ICAM2: variants seen among roughly 807,000 people sequenced by gnomAD.
The protein encoded by ICAM2 is ICAM-2.
Under a neutral mutation model 19.1 loss-of-function variants are expected in ICAM2, and 14 were observed. The ratio of observed to expected loss-of-function variants is 0.73; its 90% CI spans 0.48 to 1.15. The LOEUF (loss-of-function observed/expected upper bound fraction) is 1.15, where lower values mean the gene tolerates loss of function less well. ICAM2 is among the 50% of genes most tolerant of loss of function. The pLI, the probability that ICAM2 is intolerant of heterozygous loss-of-function variation, is 0.00. For missense variants in ICAM2, 311 were observed against 355.4 expected, an observed-to-expected ratio of 0.88 and a Z score of 1.00; for synonymous variants, 153 against 152.7, an observed-to-expected ratio of 1.00 and a Z score of -0.01.
At chr17:64,006,531 C>CTT in intron 2 of ICAM2, 100 bp downstream of exon 2, 1 of 1,010,058 alleles carries the variant, frequency 9.9e-7, no homozygotes, top group South Asian at 1.4e-5. Flanking sequence ...ACCTCAGCAA[C>CTT]TTTTGGGACT....
In ICAM2 at chr17:64,003,048, C is replaced by T. The variant is rs960023094; in HGVS notation, c.650-123G>A. ...CCCCGCCGCCCGCTCATGCATCCAGCAGTCACCCCAGTTGCAGAGATGAGT... is the reference window on the plus strand; with the variant it reads ...CCCCGCCGCCCGCTCATGCATCCAGTAGTCACCCCAGTTGCAGAGATGAGT... On this transcript the variant is annotated intron_variant, in intron 4 of 4. Coordinates refer to ENST00000579788, the MANE Select transcript of ICAM2 (RefSeq NM_001099789.2). 8 of 717,538 alleles carry T rather than the reference C, an allele frequency of 1.1e-5. No individual in the cohort carries two copies. The African/African-American group carries it at 1.2e-4, about 11-fold the overall frequency. The allele number at this position is 717,538 out of a possible 1,614,324, so 44.4% of individuals were successfully genotyped here.
At chr17:64,003,125 G>A (rs750459249) in intron 4 of ICAM2, 200 bp from the exon 5 acceptor site, 21 of 568,678 alleles carry the variant, frequency 3.7e-5, no homozygotes, top group Non-Finnish European at 5.6e-5. Context: ...GTGGCCCAGG[G>A]CTCAGGCTAC....
At chr17:64,014,625 G>GAGAA (rs1257051051) in intron 1 of ICAM2, among the ~76,000 whole-genome samples, 2 of 142,876 alleles carry the variant, frequency 1.4e-5, no homozygotes, top group African/African-American at 2.6e-5. Context: ...GGGAGAGAGA[G>GAGAA]AGAAAGAAAG....
At chr17:64,007,196 C>T (rs1489132569) in intron 1 of ICAM2, among the ~76,000 whole-genome samples, 1 of 152,234 alleles carries the variant, frequency 6.6e-6, no homozygotes, top group Non-Finnish European at 1.5e-5. Flanking sequence ...TTGAGCTTCT[C>T]CTGCTAAATG....
At chr17:64,016,422 C>A (rs962958490) in intron 1 of ICAM2, among the ~76,000 whole-genome samples, 1 of 152,216 alleles carries the variant, frequency 6.6e-6, no homozygotes, top group Non-Finnish European at 1.5e-5. Context: ...CCTCCACCTA[C>A]CCCCAAACTT....
At position 64,005,111 on chromosome 17, in the gene ICAM2, C is replaced by T; in HGVS notation, c.324G>A (p.Val108=). ...KQESMNSNVS[V]YQPPRQVILT... is the part of the protein sequence containing the mutation. ...CCCCGCAGCACAGCCACTCACGGTA[C>T]ACGCTGACGTTGGAATTCATTGACT... The change falls in exon 3 of 5, where the codon GTG becomes GTA. Residue 108 remains valine, a synonymous_variant. Transcript: ENST00000579788. 6.2e-7 allele frequency: 1 copy of T among 1,614,140 alleles called. No homozygotes were observed. Among genetic ancestry groups the T allele is most frequent in the Non-Finnish European group, 8.5e-7 (1 of 1,180,002 alleles).
intron 1 of ICAM2, among the ~76,000 whole-genome samples, chr17:64,016,411 C>A (rs1598027368): frequency 2.0e-5 from 3 of 152,270 alleles, no homozygotes; most frequent in African/African-American, 7.2e-5. Flanking sequence ...CTGCCAGTGC[C>A]CCTCCACCTA....
rs375032305 is a variant in ICAM2, at chr17:64,005,370, G to A, written c.65C>T (p.Ser22Leu). ...GTGTACCTCGAATACCTTCTCATCC[G>A]ATCCTGGAAAACCAGAAACACTGGG... ...ALFTLICCPG[S>L]DEKVFEVHVR... The change falls in exon 3 of 5, where the codon TCG becomes TTG. Residue 22 changes from serine (S) to leucine (L), a missense_variant. Transcript: ENST00000579788. 4.0e-5 allele frequency: 65 copies of A among 1,611,764 alleles called. No individual in the cohort carries two copies. Among genetic ancestry groups the A allele is most frequent in the East Asian group, 6.7e-5 (3 of 44,842 alleles).
In ICAM2 at chr17:64,003,686, T is replaced by C; in HGVS notation, c.607A>G (p.Ile203Val). The change falls in exon 4 of 5, where the codon ATC becomes GTC. Residue 203 changes from isoleucine to valine, a missense_variant. Coordinates refer to ENST00000579788, the MANE Select transcript of ICAM2 (RefSeq NM_001099789.2). Reference protein sequence around the residue: ...VLDLMSRGGNIFHKHSAPKML... With the variant: ...VLDLMSRGGNVFHKHSAPKML... ...TTCGGGGCTGAGTGTTTGTGAAAGA[T>C]GTTGCCACCGCGAGACATCAAGTCC... 6.2e-7 allele frequency: 1 copy of C among 1,614,120 alleles called. No individual in the cohort carries two copies. Among genetic ancestry groups the C allele is most frequent in the Non-Finnish European group, 8.5e-7 (1 of 1,180,026 alleles).
chr17:64,003,410 G>T, intron 4 of ICAM2: 2 of 563,918 alleles, frequency 3.5e-6, no homozygotes, highest in Non-Finnish European at 6.3e-6. Flanking sequence ...TCAAGGTCAT[G>T]GGGCTTGATG....
Position 64,003,647 on chromosome 17 carries a change from A to G in ICAM2, c.646T>C (p.Tyr216His). The change falls in exon 4 of 5, where the codon TAT (tyrosine) becomes CAT (histidine). Residue 216 changes from tyrosine (Y) to histidine (H), a missense_variant. Tyr to His is a moderately conservative substitution (Grantham distance 83). Coordinates refer to ENST00000579788, the MANE Select transcript of ICAM2 (RefSeq NM_001099789.2). ...KHSAPKMLEI[Y>H]EPVSDSQMVI... The stretch of plus-strand genomic sequence containing the variant: ...CCATCCACGGATCCCCCCTCACCAT[A>G]GATCTCCAACATCTTCGGGGCTGAG... The G allele has an allele frequency of 6.2e-7, 1 of 1,612,312 alleles. No homozygotes were observed. The highest frequency in any genetic ancestry group is 8.5e-7 in the Non-Finnish European group (1 of 1,178,916).
intron 1 of ICAM2, among the ~76,000 whole-genome samples, chr17:64,009,917 G>A (rs1283463915): frequency 3.4e-4 from 51 of 152,162 alleles, no homozygotes; most frequent in Non-Finnish European, 4.4e-5. Context: ...CAGCCAGTCT[G>A]CAGGACCCAA....
chr17:64,010,905 G>T (rs1381108636), intron 1 of ICAM2, among the ~76,000 whole-genome samples: 1 of 152,070 alleles, frequency 6.6e-6, no homozygotes, highest in Non-Finnish European at 1.5e-5. Context: ...ATTTTTAGGA[G>T]GGAGGACACA....
At chr17:64,006,783 T>G in intron 1 of ICAM2, 48 bp from the exon 2 acceptor site, 1 of 1,142,090 alleles carries the variant, frequency 8.8e-7, no homozygotes, top group Non-Finnish European at 1.3e-6. Context: ...CCAGAATCCC[T>G]AGCCTTCTGC....
chr17:64,002,663 T>C lies in ICAM2; in HGVS notation c.*84A>G. 1 of 1,289,128 alleles carries C rather than the reference T, an allele frequency of 7.8e-7. No homozygotes were observed. The allele number at this position is 1,289,128 out of a possible 1,614,324, so 79.9% of individuals were successfully genotyped here. A position where few individuals can be genotyped will look rare whatever the true frequency, so the allele number is the denominator to read the frequency against. ...AAGTCTCTGCTGCCTGTCACAGTCCTTCAGCCAGGGCTGGACCTCAACCCT... is the reference window on the plus strand; with the variant it reads ...AAGTCTCTGCTGCCTGTCACAGTCCCTCAGCCAGGGCTGGACCTCAACCCT... On this transcript the variant is annotated 3_prime_UTR_variant, in exon 5 of 5. Transcript: ENST00000579788.
At chr17:64,006,857 C>T (rs527648734) in intron 1 of ICAM2, 122 bp from the exon 2 acceptor site, 67 of 634,866 alleles carry the variant, frequency 1.1e-4, no homozygotes, top group African/African-American at 5.7e-4. Flanking sequence ...TGCACCAGCT[C>T]GTTCTAGGAC....
intron 1 of ICAM2, among the ~76,000 whole-genome samples, chr17:64,012,155 A>C (rs965324911): frequency 1.3e-5 from 2 of 152,224 alleles, no homozygotes; most frequent in Admixed American, 1.3e-4. Context: ...TAAGTGAAAT[A>C]AGACAGGCAT....
intron 1 of ICAM2, among the ~76,000 whole-genome samples, chr17:64,013,771 T>C (rs1349877354): frequency 6.6e-6 from 1 of 152,186 alleles, no homozygotes; most frequent in Non-Finnish European, 1.5e-5. Flanking sequence ...TAAACTTCTA[T>C]ATAGAAGTTT....
intron 1 of ICAM2, among the ~76,000 whole-genome samples, chr17:64,019,383 G>T (rs1212907126): frequency 2.1e-5 from 3 of 145,134 alleles, no homozygotes; most frequent in Non-Finnish European, 3.0e-5. Context: ...GAAATATAGT[G>T]TGACCCCATC....
Sources: allele counts gnomAD v4.1 joint callset (sites outside exome capture counted in the v4.1 genomes callset), GRCh38; gene constraint gnomAD v4.1.1; transcripts MANE v1.5; gene names NCBI Gene and HGNC (gene_info 2026-07-23, HGNC 2026-07-21).